Variants in CDC123 observed in about 807,000 individuals in gnomAD.
CDC123 encodes cell division cycle 123, also known as translation initiation factor eIF2 assembly protein.
A neutral mutation model predicts 54.4 loss-of-function variants in CDC123; 37 were observed. That is an observed-to-expected ratio of 0.68 (90% confidence interval 0.52 to 0.89). The LOEUF (loss-of-function observed/expected upper bound fraction) is 0.89, where lower values mean the gene tolerates loss of function less well. Among genes scored for constraint, CDC123 ranks in the 40% least tolerant of loss-of-function variants. CDC123 has a pLI of 0.00. For synonymous variants in CDC123, 144 were observed against 136.8 expected (o/e 1.05, Z -0.37); for missense variants, 361 against 412.1 (o/e 0.88, Z 1.07).
intron 11 of CDC123, among the ~76,000 whole-genome samples, chr10:12,248,506 C>T (rs529027440): frequency 7.1e-5 from 10 of 140,608 alleles, no homozygotes; most frequent in South Asian, 2.2e-4. Flanking sequence ...AGCGGGACTC[C>T]GTCTCAAAAA....
intron 4 of CDC123, among the ~76,000 whole-genome samples, chr10:12,215,385 A>T (rs1352276074): frequency 3.3e-5 from 5 of 152,166 alleles, no homozygotes; most frequent in African/African-American, 1.2e-4. Flanking sequence ...GTATTGCTAC[A>T]GGTGATATTC....
intron 6 of CDC123, among the ~76,000 whole-genome samples, chr10:12,222,401 C>T (rs1454932532): frequency 7.2e-5 from 11 of 152,114 alleles, no homozygotes; most frequent in African/African-American, 2.2e-4. Flanking sequence ...GGGTGGATCA[C>T]GAGGTCAGGA....
At chr10:12,231,625 CAAA>C (rs368800002) in intron 7 of CDC123, among the ~76,000 whole-genome samples, 1 of 77,292 alleles carries the variant, frequency 1.3e-5, no homozygotes, top group Admixed American at 1.6e-4. Context: ...AACTCCGTCT[CAAA>C]AAAAAAAAAA....
rs557348212 is a variant in CDC123 at position 12,222,761 on chromosome 10, A to T, written c.440+5294A>T. On this transcript the variant is annotated intron_variant, in intron 6 of 12. Transcript: ENST00000281141. ...TGATTTGTCTTAGTAATTTTTTTTT[A>T]AAATTTTTTCAAGATAGAGTCTCAC... Among the ~76,000 whole-genome samples the T allele has an allele frequency of 4.5e-3, 686 of 152,258 alleles. 6 individuals carry two copies. The highest frequency in any genetic ancestry group is 0.018 in the Admixed American group (270 of 15,288).
chr10:12,225,115 C>G (rs899073628), intron 6 of CDC123, among the ~76,000 whole-genome samples: 1 of 152,178 alleles, frequency 6.6e-6, no homozygotes, highest in African/African-American at 2.4e-5. Flanking sequence ...AAAATATGGG[C>G]TGGGTGCGGT....
intron 11 of CDC123, 111 bp downstream of exon 11, chr10:12,246,388 A>C: frequency 8.0e-7 from 1 of 1,244,036 alleles, no homozygotes; most frequent in Non-Finnish European, 1.1e-6. Flanking sequence ...TGGGAAGCGC[A>C]GAGTGTAACA....
At chr10:12,209,396 C>A (rs778761701) in intron 2 of CDC123, among the ~76,000 whole-genome samples, 1 of 152,010 alleles carries the variant, frequency 6.6e-6, no homozygotes, top group Non-Finnish European at 1.5e-5. Context: ...TCCTTCACAC[C>A]TGGATAATTT....
At chr10:12,200,119 C>CCTTTTTTTTTTTTTTTTTTTTTTTTTTTT (rs1564431631) in intron 2 of CDC123, among the ~76,000 whole-genome samples, 1 of 24,272 alleles carries the variant, frequency 4.1e-5, no homozygotes, top group African/African-American at 1.1e-4. Flanking sequence ...CCGCACTCGG[C>CCTTTTTTTTTTTTTTTTTTTTTTTTTTTT]ATTTTTTTTT....
chr10:12,230,850 A>T, intron 6 of CDC123, 98 bp from the exon 7 acceptor site: 1 of 1,118,502 alleles, frequency 8.9e-7, no homozygotes, highest in Non-Finnish European at 1.3e-6. Context: ...GGATGCTTTT[A>T]GTAAAACGTT....
chr10:12,235,028 AT>A lies in CDC123; in HGVS notation c.490-14del, dbSNP rs1331419817. ...ACCACATAGGTGTGTTATATTAAAT[AT>A]TTTTTCTTTTGTTTACAGCTCGTTC... On this transcript the variant is annotated intron_variant, in intron 7 of 12. Transcript: ENST00000281141. 2 of 1,602,180 alleles carry A rather than the reference AT, an allele frequency of 1.2e-6. No individual in the cohort carries two copies. The highest frequency in any genetic ancestry group is 8.5e-7 in the Non-Finnish European group (1 of 1,169,736).
intron 10 of CDC123, among the ~76,000 whole-genome samples, chr10:12,240,026 AT>A (rs1164366770): frequency 1.2e-4 from 18 of 146,802 alleles, no homozygotes; most frequent in African/African-American, 4.5e-4. Context: ...AAAAAAAAAA[AT>A]TATTATTATT....
At chr10:12,203,228 TTCA>T (rs1835466925) in intron 2 of CDC123, among the ~76,000 whole-genome samples, 1 of 152,230 alleles carries the variant, frequency 6.6e-6, no homozygotes, top group Non-Finnish European at 1.5e-5. Flanking sequence ...ACCCTAATTC[TTCA>T]TGCCTCATCC....
intron 10 of CDC123, among the ~76,000 whole-genome samples, chr10:12,244,395 G>A (rs917725196): frequency 2.0e-5 from 3 of 152,214 alleles, no homozygotes; most frequent in African/African-American, 7.2e-5. Flanking sequence ...CATCCACTTC[G>A]TGTCAATAGG....
chr10:12,226,711 A>G (rs1468849839), intron 6 of CDC123, among the ~76,000 whole-genome samples: 2 of 148,592 alleles, frequency 1.3e-5, no homozygotes, highest in Non-Finnish European at 3.0e-5. Context: ...GGCTGGGCAG[A>G]GACGCTCCCC....
intron 7 of CDC123, among the ~76,000 whole-genome samples, chr10:12,232,788 C>CTTT (rs34976610): frequency 6.7e-6 from 1 of 148,184 alleles, no homozygotes; most frequent in South Asian, 2.1e-4. Flanking sequence ...CCTTACCTTT[C>CTTT]TTTTTTTTTT....
chr10:12,242,374 T>C (rs1836070565), intron 10 of CDC123, among the ~76,000 whole-genome samples: 1 of 152,180 alleles, frequency 6.6e-6, no homozygotes, highest in African/African-American at 2.4e-5. Context: ...TGAAGCAAAA[T>C]ACCCTGCACA....
At chr10:12,234,508 C>T (rs535497698) in intron 7 of CDC123, among the ~76,000 whole-genome samples, 39 of 152,282 alleles carry the variant, frequency 2.6e-4, no homozygotes, top group Admixed American at 5.2e-4. Flanking sequence ...CGTGAGCCTC[C>T]GCACCTGGCT....
At chr10:12,197,704 T>C (rs1015430186) in intron 1 of CDC123, among the ~76,000 whole-genome samples, 6 of 150,348 alleles carry the variant, frequency 4.0e-5, no homozygotes, top group Admixed American at 2.7e-4. Context: ...TGTGAAATTG[T>C]ACCTTTGATA....
chr10:12,223,621 T>C (rs574457712), intron 6 of CDC123, among the ~76,000 whole-genome samples: 3 of 152,208 alleles, frequency 2.0e-5, no homozygotes, highest in Non-Finnish European at 4.4e-5. Context: ...AAATAGCATG[T>C]CAGTCCCAAG....
Sources: gnomAD v4.1 joint callset for allele counts (sites outside exome capture counted in the v4.1 genomes callset) on GRCh38, gnomAD v4.1.1 for gene constraint, MANE v1.5 for transcripts, NCBI Gene and HGNC (gene_info 2026-07-23, HGNC 2026-07-21) for gene names.